The following GPC5 variants were observed in gnomAD, a reference collection of about 807,000 sequenced individuals.
GPC5 encodes the protein glypican 5.
A neutral mutation model predicts 53.9 loss-of-function variants in GPC5; 47 were observed. The ratio of observed to expected loss-of-function variants is 0.87; its 90% CI spans 0.69 to 1.11. The LOEUF is 1.11. GPC5 is among the 50% of genes most tolerant of loss of function. GPC5 has a pLI of 0.00. For synonymous variants in GPC5, 286 were observed against 263.3 expected (o/e 1.09, Z -0.84); for missense variants, 748 against 713.1 (o/e 1.05, Z -0.56).
At chr13:92,812,992 T>A (rs903491083) in intron 7 of GPC5, among the ~76,000 whole-genome samples, 1 of 152,008 alleles carries the variant, frequency 6.6e-6, no homozygotes, top group Non-Finnish European at 1.5e-5. Context: ...CCAATTCTTA[T>A]AAAATGAAGT....
intron 7 of GPC5, among the ~76,000 whole-genome samples, chr13:92,605,821 AT>A (rs200115756): frequency 0.037 from 5,651 of 151,164 alleles, 169 homozygotes; most frequent in Admixed American, 0.1. Context: ...GTTTGCCTGG[AT>A]TTTTTTTTAA....
intron 7 of GPC5, among the ~76,000 whole-genome samples, chr13:92,486,249 G>T (rs993486): frequency 6.6e-6 from 1 of 152,006 alleles, no homozygotes; most frequent in South Asian, 2.1e-4. Context: ...ATTGACGGAT[G>T]TCAGTGACAA....
chr13:92,793,776 A>C (rs2138778152), intron 7 of GPC5, among the ~76,000 whole-genome samples: 1 of 152,310 alleles, frequency 6.6e-6, no homozygotes, highest in East Asian at 1.9e-4. Context: ...ATAAACTAGA[A>C]AATCTAGAAG....
At chr13:91,657,511 G>A (rs2034875656) in intron 2 of GPC5, among the ~76,000 whole-genome samples, 1 of 152,124 alleles carries the variant, frequency 6.6e-6, no homozygotes, top group East Asian at 1.9e-4. Flanking sequence ...TAGAGGCCAA[G>A]GGTGCTGTTT....
At chr13:92,112,331 ATAATAT>A (rs2041563945) in intron 6 of GPC5, among the ~76,000 whole-genome samples, 1 of 152,162 alleles carries the variant, frequency 6.6e-6, no homozygotes, top group Non-Finnish European at 1.5e-5. Flanking sequence ...AAGATTGAAG[ATAATAT>A]TAAAGAGATG....
intron 2 of GPC5, among the ~76,000 whole-genome samples, chr13:91,537,459 G>A (rs1364287640): frequency 6.6e-6 from 1 of 152,130 alleles, no homozygotes; most frequent in East Asian, 1.9e-4. Context: ...AAAGATGCAA[G>A]CTACCAAAAT....
chr13:91,758,592 T>C (rs2037344737), intron 5 of GPC5, among the ~76,000 whole-genome samples: 1 of 152,130 alleles, frequency 6.6e-6, no homozygotes, highest in African/African-American at 2.4e-5. Context: ...ATATATTTTA[T>C]TCTACATAAT....
chr13:91,637,448 A>G (rs1408447138), intron 2 of GPC5, among the ~76,000 whole-genome samples: 2 of 152,156 alleles, frequency 1.3e-5, no homozygotes, highest in Non-Finnish European at 2.9e-5. Flanking sequence ...GCAACAGTGG[A>G]TCTTTTATTT....
intron 7 of GPC5, among the ~76,000 whole-genome samples, chr13:92,383,291 C>G (rs1479623115): frequency 6.6e-6 from 1 of 152,066 alleles, no homozygotes; most frequent in Non-Finnish European, 1.5e-5. Flanking sequence ...AATATTCAAG[C>G]ATATGCTCAT....
chr13:91,850,844 C>T (rs905255389), intron 5 of GPC5, among the ~76,000 whole-genome samples: 1 of 151,980 alleles, frequency 6.6e-6, no homozygotes, highest in Admixed American at 6.6e-5. Context: ...TTTGCATTTC[C>T]TGGTATTTAT....
chr13:91,685,253 C>G (rs185714566), intron 2 of GPC5, among the ~76,000 whole-genome samples: 2 of 152,084 alleles, frequency 1.3e-5, no homozygotes, highest in African/African-American at 2.4e-5. Context: ...TGCAGTGAGC[C>G]GAGATTGTGC....
At chr13:92,837,704 CT>C (rs2098017105) in intron 7 of GPC5, among the ~76,000 whole-genome samples, 1 of 152,142 alleles carries the variant, frequency 6.6e-6, no homozygotes, top group African/African-American at 2.4e-5. Flanking sequence ...GAGTATAAAA[CT>C]ACCGGTAGGA....
intron 7 of GPC5, among the ~76,000 whole-genome samples, chr13:92,508,776 T>C (rs1880465135): frequency 6.6e-6 from 1 of 152,230 alleles, no homozygotes; most frequent in Admixed American, 6.5e-5. Context: ...TAAAACAATT[T>C]AATAAAAATA....
intron 7 of GPC5, among the ~76,000 whole-genome samples, chr13:92,485,864 G>C (rs577446745): frequency 6.6e-6 from 1 of 152,206 alleles, no homozygotes; most frequent in Non-Finnish European, 1.5e-5. Flanking sequence ...TACTCTGGAG[G>C]CTGAGGCAGG....
chr13:91,667,425 A>AAGG (rs2035142358), intron 2 of GPC5, among the ~76,000 whole-genome samples: 1 of 152,168 alleles, frequency 6.6e-6, no homozygotes, highest in African/African-American at 2.4e-5. Flanking sequence ...AGTTTTGTAA[A>AAGG]AGGAGGAAGC....
In GPC5 at chr13:92,034,321, C is replaced by A. The variant is rs991188330; in HGVS notation, c.1402-110509C>A. ...GACCAGCCTGGTCAACATGGTGAAA[C>A]CCCATCTCTACTAAAAATACAAAAA... On this transcript the variant is annotated intron_variant, in intron 6 of 7. Coordinates refer to ENST00000377067, the MANE Select transcript of GPC5 (RefSeq NM_004466.6). Among the ~76,000 whole-genome samples, 7 of 152,094 alleles carry A rather than the reference C, an allele frequency of 4.6e-5. No homozygotes were observed. In the East Asian group the frequency reaches 1.4e-3, roughly 29 times the overall value.
intron 5 of GPC5, among the ~76,000 whole-genome samples, chr13:91,882,670 G>GTTTTTTTTTTTTTTTTTTTTTTTTTTTTT: frequency 1.7e-5 from 1 of 59,322 alleles, no homozygotes; most frequent in Non-Finnish European, 3.0e-5. Context: ...TGTTTTTTGG[G>GTTTTTTTTTTTTTTTTTTTTTTTTTTTTT]TTTTTTTTTT....
chr13:91,453,407 G>T (rs1178369359), intron 2 of GPC5, among the ~76,000 whole-genome samples: 1 of 151,874 alleles, frequency 6.6e-6, no homozygotes, highest in Admixed American at 6.6e-5. Flanking sequence ...ACAGGATATA[G>T]TTAATATTCA....
intron 2 of GPC5, among the ~76,000 whole-genome samples, chr13:91,510,078 TTTTTG>T (rs1274630634): frequency 1.3e-5 from 2 of 152,286 alleles, no homozygotes; most frequent in Admixed American, 6.5e-5. Flanking sequence ...TTTTGTTTCA[TTTTTG>T]TTTTATCATG....
Sources: gnomAD v4.1 joint callset for allele counts (sites outside exome capture counted in the v4.1 genomes callset) on GRCh38, gnomAD v4.1.1 for gene constraint, MANE v1.5 for transcripts, NCBI Gene and HGNC (gene_info 2026-07-23, HGNC 2026-07-21) for gene names.